The following CCDC88A variants were observed in gnomAD, a reference collection of about 807,000 sequenced individuals.
CCDC88A encodes girdin.
In CCDC88A, 54 loss-of-function variants were observed where a neutral mutation model predicts 234.3. The ratio of observed to expected loss-of-function variants is 0.23; its 90% confidence interval spans 0.19 to 0.29. CCDC88A has a LOEUF of 0.29. CCDC88A is among the 10% of genes least tolerant of loss of function. The probability of loss-of-function intolerance (pLI) is 1.00; values close to 1 mark genes in which losing one functional copy is unlikely to be tolerated. For synonymous variants in CCDC88A, 753 were observed against 737.8 expected, an observed-to-expected ratio of 1.02 and a Z score of -0.33; for missense variants, 1,832 against 2,123.4, an observed-to-expected ratio of 0.86 and a Z score of 2.70.
intron 25 of CCDC88A, among the ~76,000 whole-genome samples, chr2:55,304,469 T>C (rs1574026518): frequency 6.6e-6 from 1 of 151,914 alleles, no homozygotes; most frequent in East Asian, 1.9e-4. Flanking sequence ...AAATAAACAA[T>C]CACATTAAGT....
rs763340981 is a variant in CCDC88A, at chr2:55,309,037, A to G, written c.4173-14T>C. On this transcript the variant is annotated splice_polypyrimidine_tract_variant and intron_variant, in intron 24 of 32. Transcript: ENST00000436346. The surrounding 1 kb of genome is among the most constrained non-coding windows in gnomAD (Gnocchi z 5.1). ...CAGTTGCCTCTCCTAACAGAATTTT[A>G]AAAATTGTTATCAGTTTAAAATTCA... 1 of 1,586,694 alleles carries G rather than the reference A, an allele frequency of 6.3e-7. No homozygotes were observed. Among genetic ancestry groups the G allele is most frequent in the Middle Eastern group, 1.7e-4 (1 of 5,988 alleles).
At chr2:55,319,056 A>C (rs766245436) in intron 18 of CCDC88A, 52 bp from the exon 19 acceptor site, 2 of 1,474,068 alleles carry the variant, frequency 1.4e-6, no homozygotes, top group Admixed American at 3.4e-5. Context: ...GGCAACATCA[A>C]ATATGTTTCT....
intron 5 of CCDC88A, among the ~76,000 whole-genome samples, chr2:55,371,003 C>T (rs1459985917): frequency 1.3e-5 from 2 of 152,062 alleles, no homozygotes; most frequent in African/African-American, 4.8e-5. Context: ...GAGTGAGACC[C>T]TGTCTCAAAA....
intron 7 of CCDC88A, among the ~76,000 whole-genome samples, chr2:55,360,291 A>C (rs1246973958): frequency 1.3e-5 from 2 of 152,206 alleles, no homozygotes; most frequent in African/African-American, 2.4e-5. Context: ...AAAGCTAATC[A>C]AAACAAAAAA....
chr2:55,391,148 G>C (rs1273748866), intron 2 of CCDC88A, among the ~76,000 whole-genome samples: 2 of 152,180 alleles, frequency 1.3e-5, no homozygotes, highest in Non-Finnish European at 2.9e-5. Flanking sequence ...AAGTAGAGTG[G>C]AGTAGACTTA....
At chr2:55,341,478 T>G (rs559050943) in intron 12 of CCDC88A, among the ~76,000 whole-genome samples, 2 of 144,332 alleles carry the variant, frequency 1.4e-5, no homozygotes, top group South Asian at 4.5e-4. Context: ...AGAGTCTCAC[T>G]GTGTCACCTA....
At chr2:55,329,894 G>T (rs1187783142) in intron 16 of CCDC88A, 18 of 152,032 alleles carry the variant, frequency 1.2e-4, no homozygotes, top group Admixed American at 1.2e-3. Context: ...TGAGTAGCTG[G>T]GATTACAGGT....
At chr2:55,401,241 A>ATGCT (rs1678562691) in intron 2 of CCDC88A, among the ~76,000 whole-genome samples, 1 of 151,284 alleles carries the variant, frequency 6.6e-6, no homozygotes, top group African/African-American at 2.4e-5. Flanking sequence ...ACCAGCCTGT[A>ATGCT]CAACACAGCA....
rs1443850681 is a variant in CCDC88A, at chr2:55,341,690, G to T, written c.1333+1958C>A. On this transcript the variant is annotated intron_variant, in intron 12 of 32. Transcript: ENST00000436346. ...GAACTCTTGACCTCGTGATCCACCC[G>T]CCTCGGCCTCCCAAAGTGCTGGGAT... Among the ~76,000 whole-genome samples the T allele has an allele frequency of 3.3e-5, 5 of 151,880 alleles. No homozygotes were observed. In the South Asian group the frequency reaches 1.0e-3, roughly 32 times the overall value.
At chr2:55,297,199 G>A (rs866147733) in intron 29 of CCDC88A, 1 of 137,400 alleles carries the variant, frequency 7.3e-6, no homozygotes, top group Non-Finnish European at 1.5e-5. Context: ...AAAATAAAAT[G>A]CCTCACAATT....
chr2:55,303,293 T>TA (rs908164758), intron 25 of CCDC88A, 141 bp from the exon 26 acceptor site: 6 of 636,208 alleles, frequency 9.4e-6, no homozygotes, highest in African/African-American at 9.1e-5. Flanking sequence ...TTAAGGCTAT[T>TA]ATTCTCATGC....
At chr2:55,310,470 T>G (rs571433392) in intron 23 of CCDC88A, among the ~76,000 whole-genome samples, 20 of 152,150 alleles carry the variant, frequency 1.3e-4, no homozygotes, top group African/African-American at 4.8e-4. Context: ...TAGTCCCAGC[T>G]ACTTGGAAGG....
chr2:55,379,162 A>C (rs1281590833), intron 3 of CCDC88A, among the ~76,000 whole-genome samples: 2 of 152,222 alleles, frequency 1.3e-5, no homozygotes, highest in South Asian at 2.1e-4. Flanking sequence ...ACTGACTGCT[A>C]TTGTTAAGAT....
intron 23 of CCDC88A, among the ~76,000 whole-genome samples, chr2:55,311,486 T>TA (rs1160974190): frequency 1.3e-5 from 2 of 152,206 alleles, no homozygotes; most frequent in African/African-American, 4.8e-5. Flanking sequence ...GGCACAGACA[T>TA]ACTACTTCAT....
chr2:55,376,592 T>C (rs1673683660), intron 3 of CCDC88A, among the ~76,000 whole-genome samples: 1 of 152,194 alleles, frequency 6.6e-6, no homozygotes, highest in African/African-American at 2.4e-5. Flanking sequence ...CAGTATTATA[T>C]TAGCTCTTTA....
chr2:55,346,883 C>T (rs1046510868), intron 9 of CCDC88A, among the ~76,000 whole-genome samples: 2 of 151,572 alleles, frequency 1.3e-5, no homozygotes, highest in Non-Finnish European at 2.9e-5. Flanking sequence ...TTAAAAAAAT[C>T]GAAGTATTTT....
chr2:55,339,195 G>T (rs1385882318), intron 13 of CCDC88A: 3 of 284,432 alleles, frequency 1.1e-5, no homozygotes, highest in South Asian at 7.5e-5. Flanking sequence ...CCGACCTCAG[G>T]TTATCCATCT....
chr2:55,346,563 GC>G (rs1188505372), intron 9 of CCDC88A, among the ~76,000 whole-genome samples: 3 of 151,938 alleles, frequency 2.0e-5, no homozygotes, highest in Non-Finnish European at 2.9e-5. Context: ...GGGATTAAAA[GC>G]TCCCCCCACC....
intron 2 of CCDC88A, among the ~76,000 whole-genome samples, chr2:55,397,043 A>G (rs1042749942): frequency 1.3e-5 from 2 of 152,064 alleles, no homozygotes; most frequent in African/African-American, 2.4e-5. Context: ...CACTGTGGTG[A>G]TATTTTATTA....
Sources: allele counts gnomAD v4.1 joint callset (sites outside exome capture counted in the v4.1 genomes callset), GRCh38; gene constraint gnomAD v4.1.1; non-coding constraint Gnocchi (gnomAD v3.1); transcripts MANE v1.5; gene names NCBI Gene and HGNC (gene_info 2026-07-23, HGNC 2026-07-21).